Variants in WWTR1 observed in about 807,000 individuals in gnomAD.
The protein encoded by WWTR1 is WW domain containing transcription regulator 1, also known as WW domain-containing transcription regulator protein 1.
WWTR1 carries 13 observed loss-of-function variants against 40.1 expected under a neutral mutation model. That is an observed-to-expected ratio of 0.32 (90% CI 0.21 to 0.52). The LOEUF (loss-of-function observed/expected upper bound fraction) is 0.52. Among genes scored for constraint, WWTR1 ranks in the 20% least tolerant of loss-of-function variants. The pLI, the probability that WWTR1 is intolerant of heterozygous loss-of-function variation, is 0.97. For missense variants in WWTR1, 436 were observed against 523.1 expected (o/e 0.83, Z 1.63); for synonymous variants, 230 against 210.1 (o/e 1.09, Z -0.82).
At chr3:149,569,432 A>G (rs2107991769) in intron 3 of WWTR1, among the ~76,000 whole-genome samples, 1 of 152,340 alleles carries the variant, frequency 6.6e-6, no homozygotes, top group East Asian at 1.9e-4. Context: ...TCCCCATTGT[A>G]CATATGATGA....
At chr3:149,562,188 A>T (rs1737113359) in intron 3 of WWTR1, among the ~76,000 whole-genome samples, 1 of 151,844 alleles carries the variant, frequency 6.6e-6, no homozygotes, top group Non-Finnish European at 1.5e-5. Context: ...CCAGCTACTC[A>T]GGAGGCTGAA....
chr3:149,582,598 G>T (rs975926100), intron 2 of WWTR1, among the ~76,000 whole-genome samples: 6 of 151,910 alleles, frequency 3.9e-5, no homozygotes, highest in Admixed American at 3.9e-4. Context: ...GGGCGTGGTG[G>T]TATATGCCTG....
chr3:149,685,396 A>C (rs971430826), intron 1 of WWTR1, among the ~76,000 whole-genome samples: 7 of 152,234 alleles, frequency 4.6e-5, no homozygotes, highest in African/African-American at 1.7e-4. Flanking sequence ...GACAGACCAT[A>C]TGCCATCACC....
rs762414420 is a variant in WWTR1 at position 149,657,323 on chromosome 3, G to T, written c.-3-14C>A. On this transcript the variant is annotated splice_polypyrimidine_tract_variant and intron_variant, in intron 1 of 6. Coordinates refer to ENST00000360632, the MANE Select transcript of WWTR1 (RefSeq NM_015472.6). ...CGGATTCATCTTCTGCAAAAAGAAG[G>T]TCAGATCAGCCTTTTATTTAAAGTC... 7 of 1,601,994 alleles carry T rather than the reference G, an allele frequency of 4.4e-6. No individual in the cohort carries two copies. The East Asian group carries it at 1.1e-4, about 26-fold the overall frequency.
chr3:149,584,158 C>A lies in WWTR1; in HGVS notation c.432-11158G>T, dbSNP rs558533208. On this transcript the variant is annotated intron_variant, in intron 2 of 6. Transcript: ENST00000360632. Reference sequence around the variant, plus strand: ...CCAGTGCTTGGCTGCTCCGAAGCCACTCCAAATGTGAAATATGTCGAAGCT... The same window carrying A: ...CCAGTGCTTGGCTGCTCCGAAGCCAATCCAAATGTGAAATATGTCGAAGCT... Among the ~76,000 whole-genome samples, 11 of 152,330 alleles carry A rather than the reference C, an allele frequency of 7.2e-5. No homozygotes were observed. The South Asian group carries it at 1.7e-3, about 23-fold the overall frequency.
chr3:149,600,183 C>T (rs1321515699), intron 2 of WWTR1, among the ~76,000 whole-genome samples: 7 of 151,882 alleles, frequency 4.6e-5, no homozygotes, highest in East Asian at 1.9e-4. Context: ...CAATCCTTTC[C>T]GGACACCAAG....
upstream of WWTR1, among the ~76,000 whole-genome samples, chr3:149,707,710 T>C (rs1283787296): frequency 6.6e-6 from 1 of 151,996 alleles, no homozygotes; most frequent in Non-Finnish European, 1.5e-5. Context: ...CTAGAGGCAA[T>C]GTAGGTTCTC....
At chr3:149,578,225 G>A (rs111855796) in intron 2 of WWTR1, among the ~76,000 whole-genome samples, 1 of 152,040 alleles carries the variant, frequency 6.6e-6, no homozygotes, top group African/African-American at 2.4e-5. Context: ...CTGGGTGCCC[G>A]GGTTTAATAT....
At chr3:149,546,164 T>A (rs1736356198) in intron 3 of WWTR1, among the ~76,000 whole-genome samples, 2 of 152,212 alleles carry the variant, frequency 1.3e-5, no homozygotes, top group African/African-American at 4.8e-5. Flanking sequence ...GAAACACTGG[T>A]TTCTTCCATT....
At chr3:149,713,893 C>T (rs1559848156) in intron 5 of WWTR1, among the ~76,000 whole-genome samples, 1 of 152,156 alleles carries the variant, frequency 6.6e-6, no homozygotes, top group Non-Finnish European at 1.5e-5. Context: ...GGACTTGATC[C>T]CAGGCCCAGA....
chr3:149,598,385 A>C (rs991900203), intron 2 of WWTR1, among the ~76,000 whole-genome samples: 1 of 152,252 alleles, frequency 6.6e-6, no homozygotes, highest in South Asian at 2.1e-4. Context: ...CATCTTATAA[A>C]TGAGGAAACT....
intron 2 of WWTR1, among the ~76,000 whole-genome samples, chr3:149,666,736 CA>C (rs1713838195): frequency 6.6e-6 from 1 of 152,170 alleles, no homozygotes; most frequent in Non-Finnish European, 1.5e-5. Context: ...TGCCAAAGGC[CA>C]TTGATTTATA....
At chr3:149,673,201 C>A (rs1415638313) in intron 1 of WWTR1, among the ~76,000 whole-genome samples, 1 of 151,812 alleles carries the variant, frequency 6.6e-6, no homozygotes, top group Non-Finnish European at 1.5e-5. Flanking sequence ...TATAGTGAGA[C>A]CCTGTCTCTG....
chr3:149,714,164 G>T (rs1715542551), intron 5 of WWTR1, among the ~76,000 whole-genome samples: 1 of 152,192 alleles, frequency 6.6e-6, no homozygotes, highest in Admixed American at 6.5e-5. Flanking sequence ...TGAAGCCAGC[G>T]GGAGCCGGGA....
intron 3 of WWTR1, among the ~76,000 whole-genome samples, chr3:149,551,438 C>A (rs557953169): frequency 1.4e-5 from 2 of 146,126 alleles, no homozygotes; most frequent in South Asian, 4.4e-4. Context: ...GAAACTTCCT[C>A]CTTGGAACAA....
chr3:149,572,668 T>C (rs563904191), intron 3 of WWTR1, among the ~76,000 whole-genome samples, 196 bp downstream of exon 3: 1 of 151,988 alleles, frequency 6.6e-6, no homozygotes, highest in African/African-American at 2.4e-5. Context: ...TTGAACACCA[T>C]TTCTTCAGCT....
intron 2 of WWTR1, among the ~76,000 whole-genome samples, chr3:149,629,245 T>G (rs1411213505): frequency 6.6e-6 from 1 of 152,262 alleles, no homozygotes; most frequent in South Asian, 2.1e-4. Context: ...TTTAAAAAGT[T>G]TCACTCCTTT....
rs1209264101 is a variant in WWTR1, at chr3:149,519,634, A to G, written c.*1171T>C. ...GCCTTTTGTCATCAGCTACAAAATT[A>G]CAGTGCTTTATAAAATAAACATCAA... On this transcript the variant is annotated 3_prime_UTR_variant, in exon 7 of 7. Coordinates refer to ENST00000360632, the MANE Select transcript of WWTR1 (RefSeq NM_015472.6). The G allele has an allele frequency of 2.0e-5, 3 of 152,232 alleles. No homozygotes were observed. Among genetic ancestry groups the G allele is most frequent in the Non-Finnish European group, 2.9e-5 (2 of 68,046 alleles). The allele number at this position is 152,232 out of a possible 1,614,324, so 9.4% of individuals were successfully genotyped here.
chr3:149,701,771 T>C (rs1001794782), intron 1 of WWTR1: 3 of 174,100 alleles, frequency 1.7e-5, no homozygotes, highest in Non-Finnish European at 3.7e-5. Flanking sequence ...TCTCAGATGT[T>C]TGGGGGGAAA....
Sources: gnomAD v4.1 joint callset for allele counts (sites outside exome capture counted in the v4.1 genomes callset) on GRCh38, gnomAD v4.1.1 for gene constraint, MANE v1.5 for transcripts, NCBI Gene and HGNC (gene_info 2026-07-23, HGNC 2026-07-21) for gene names.